RWDD1: variants seen among roughly 807,000 people sequenced by gnomAD.
RWDD1 encodes RWD domain-containing protein 1.
Under a neutral mutation model 31.6 loss-of-function variants are expected in RWDD1, and 17 were observed. That is an observed-to-expected ratio of 0.54 (90% CI 0.37 to 0.81). RWDD1 has a LOEUF of 0.81. RWDD1 is among the 30% of genes least tolerant of loss of function. RWDD1 has a pLI of 0.00. For synonymous variants in RWDD1, 78 were observed against 94.2 expected, an observed-to-expected ratio of 0.83 and a Z score of 0.99; for missense variants, 204 against 274.5, an observed-to-expected ratio of 0.74 and a Z score of 1.82.
At chr6:116,581,080 T>C (rs1306277008) in intron 2 of RWDD1, among the ~76,000 whole-genome samples, 1 of 152,140 alleles carries the variant, frequency 6.6e-6, no homozygotes, top group Admixed American at 6.5e-5. Context: ...ACTCCAAATC[T>C]GTCTAGTATA....
chr6:116,577,269 T>C (rs921284523), intron 1 of RWDD1, among the ~76,000 whole-genome samples: 1 of 152,200 alleles, frequency 6.6e-6, no homozygotes, highest in Non-Finnish European at 1.5e-5. Flanking sequence ...TCATATGCTC[T>C]TGAAACTCAC....
intron 3 of RWDD1, among the ~76,000 whole-genome samples, chr6:116,588,558 C>G (rs1007905631): frequency 1.3e-5 from 2 of 152,000 alleles, no homozygotes; most frequent in East Asian, 3.8e-4. Flanking sequence ...TGAAAACATG[C>G]TGGAGAAAGG....
chr6:116,591,766 C>T (rs1439043674), intron 6 of RWDD1, among the ~76,000 whole-genome samples: 1 of 152,228 alleles, frequency 6.6e-6, no homozygotes, highest in Non-Finnish European at 1.5e-5. Flanking sequence ...CTTCATTAAC[C>T]TTTTGTTGTA....
chr6:116,584,614 A>T, intron 2 of RWDD1, 113 bp from the exon 3 acceptor site: 1 of 891,192 alleles, frequency 1.1e-6, no homozygotes, highest in Non-Finnish European at 1.8e-6. Context: ...TGGTCTCTTA[A>T]TAACCTTTTT....
At chr6:116,588,810 G>A (rs760902051) in intron 3 of RWDD1, 32 bp from the exon 4 acceptor site, 10 of 1,486,030 alleles carry the variant, frequency 6.7e-6, no homozygotes, top group Non-Finnish European at 8.9e-6. Context: ...TTTTCTGAGA[G>A]TTATTCCTCA....
rs1775235380 is a variant in RWDD1 at position 116,596,082 on chromosome 6, C to A, written c.*2981C>A. ...AAGTGTTCAGTATTTGTGTGGCAGC[C>A]CTTTTAGGTGTAATGAAGTGTAACA... On this transcript the variant is annotated 3_prime_UTR_variant, in exon 7 of 7. Coordinates refer to ENST00000466444, the MANE Select transcript of RWDD1 (RefSeq NM_015952.4). The A allele has an allele frequency of 6.6e-6, 1 of 152,124 alleles. No homozygotes were observed. The highest frequency in any genetic ancestry group is 1.5e-5 in the Non-Finnish European group (1 of 68,006). The allele number at this position is 152,124 out of a possible 1,614,324, so 9.4% of individuals were successfully genotyped here.
intron 6 of RWDD1, 144 bp from the exon 7 acceptor site, chr6:116,592,836 G>C (rs1438962318): frequency 1.3e-6 from 1 of 785,406 alleles, no homozygotes; most frequent in East Asian, 2.7e-5. Flanking sequence ...AATCACTGTT[G>C]ATAACTGTAG....
At chr6:116,571,762 A>AG (rs1774741258) in intron 1 of RWDD1, 107 bp downstream of exon 1, 2 of 936,966 alleles carry the variant, frequency 2.1e-6, no homozygotes, top group Non-Finnish European at 3.1e-6. Flanking sequence ...GGGGACCTTG[A>AG]GGCCGCGCGG....
chr6:116,589,627 T>C (rs1775103364), intron 4 of RWDD1, among the ~76,000 whole-genome samples: 1 of 152,204 alleles, frequency 6.6e-6, no homozygotes, highest in Non-Finnish European at 1.5e-5. Context: ...GTGTATTAGT[T>C]CGTTTTCATG....
chr6:116,582,716 C>A (rs1774968223), intron 2 of RWDD1, among the ~76,000 whole-genome samples: 1 of 151,610 alleles, frequency 6.6e-6, no homozygotes, highest in Non-Finnish European at 1.5e-5. Flanking sequence ...TTCGTTAGAC[C>A]TTTTCTATTG....
rs1357674930 is a variant in RWDD1 at position 116,593,944 on chromosome 6, C to G, written c.*843C>G. On this transcript the variant is annotated 3_prime_UTR_variant, in exon 7 of 7. Coordinates refer to ENST00000466444, the MANE Select transcript of RWDD1 (RefSeq NM_015952.4). ...TGGGCAACAGAGCAAGACTCCGTCT[C>G]AAAAAAAAAAAAAAGGTTTATTTGG... 1 of 121,368 alleles carries G rather than the reference C, an allele frequency of 8.2e-6. No homozygotes were observed. The highest frequency in any genetic ancestry group is 1.8e-5 in the Non-Finnish European group (1 of 56,158). 7.5% of individuals were successfully genotyped at this position (121,368 alleles called of 1,614,324 possible).
intron 6 of RWDD1, 42 bp downstream of exon 6, chr6:116,590,992 A>C (rs779913131): frequency 6.5e-7 from 1 of 1,531,284 alleles, no homozygotes; most frequent in Admixed American, 2.4e-5. Context: ...CAGGCACAGT[A>C]GCTCAAACCT....
Position 116,584,717 on chromosome 6 carries a change from T to C in RWDD1, c.140-10T>C, listed in dbSNP as rs1775008708. ...AGGTATTCACATCAAACTCTTATCT[T>C]GTGTCTTAGCTGTCCAGACTACCCT... is the stretch of plus-strand genomic sequence containing the variant. On this transcript the variant is annotated splice_polypyrimidine_tract_variant and intron_variant, in intron 2 of 6. Coordinates refer to ENST00000466444, the MANE Select transcript of RWDD1 (RefSeq NM_015952.4). 1.2e-6 allele frequency: 2 copies of C among 1,608,564 alleles called. No individual in the cohort carries two copies. The highest frequency in any genetic ancestry group is 2.7e-5 in the African/African-American group (2 of 74,746).
At chr6:116,580,396 A>C (rs756718540) in intron 2 of RWDD1, 36 bp downstream of exon 2, 2 of 1,488,372 alleles carry the variant, frequency 1.3e-6, no homozygotes, top group African/African-American at 2.8e-5. Context: ...GTTTTTCTAA[A>C]TTTCTCAGGA....
rs536741037 is a variant in RWDD1, at chr6:116,576,962, A to G, written c.74-3333A>G. 9.8e-5 allele frequency among the ~76,000 whole-genome samples: 15 copies of G among 152,366 alleles called. No homozygotes were observed. In the South Asian group the frequency reaches 3.1e-3, roughly 32 times the overall value. ...GACTTAGATGTGATCTGACAGGGCA[A>G]TAGTTCATTGCCCACTTTATTCCCA... On this transcript the variant is annotated intron_variant, in intron 1 of 6. Coordinates refer to ENST00000466444, the MANE Select transcript of RWDD1 (RefSeq NM_015952.4).
intron 2 of RWDD1, among the ~76,000 whole-genome samples, chr6:116,584,364 G>A (rs1344580569): frequency 6.7e-6 from 1 of 149,674 alleles, no homozygotes; most frequent in Non-Finnish European, 1.5e-5. Context: ...CTCTGGTAGA[G>A]GCTGAAAATG....
At chr6:116,587,154 G>A (rs1476642026) in intron 3 of RWDD1, among the ~76,000 whole-genome samples, 1 of 152,156 alleles carries the variant, frequency 6.6e-6, no homozygotes, top group African/African-American at 2.4e-5. Context: ...GAACAAGAAA[G>A]ACACCATCCC....
intron 2 of RWDD1, 64 bp from the exon 3 acceptor site, chr6:116,584,663 C>G: frequency 7.0e-7 from 1 of 1,423,704 alleles, no homozygotes; most frequent in South Asian, 1.2e-5. Flanking sequence ...TCTACTGATT[C>G]AGCAAAGATA....
chr6:116,591,922 A>G (rs1022198440), intron 6 of RWDD1, among the ~76,000 whole-genome samples: 2 of 152,270 alleles, frequency 1.3e-5, no homozygotes, highest in African/African-American at 2.4e-5. Flanking sequence ...GATAGGCAAC[A>G]TTTTAAAGTT....
Sources: gnomAD v4.1 joint callset for allele counts (sites outside exome capture counted in the v4.1 genomes callset) on GRCh38, gnomAD v4.1.1 for gene constraint, MANE v1.5 for transcripts, NCBI Gene and HGNC (gene_info 2026-07-23, HGNC 2026-07-21) for gene names.